Variants in CUL9 observed in about 807,000 individuals in gnomAD.
CUL9 encodes cullin-9.
A neutral mutation model predicts 272.6 loss-of-function variants in CUL9; 79 were observed. The ratio of observed to expected loss-of-function variants is 0.29; its 90% CI spans 0.24 to 0.35. CUL9 has a LOEUF of 0.35. Ranked by LOEUF, CUL9 falls within the 10% of genes least tolerant of loss-of-function variation. The probability of loss-of-function intolerance (pLI) is 1.00; values close to 1 mark genes in which losing one functional copy is unlikely to be tolerated. For missense variants in CUL9, 2,532 were observed against 3,255.6 expected (o/e 0.78, Z 5.41); for synonymous variants, 1,186 against 1,286.5 (o/e 0.92, Z 1.67).
At chr6:43,195,930 A>C in intron 9 of CUL9, 139 bp from the exon 10 acceptor site, 2 of 613,340 alleles carry the variant, frequency 3.3e-6, no homozygotes, top group South Asian at 2.3e-5. Flanking sequence ...TCCCATCACT[A>C]CCTCTTCCAT....
At chr6:43,191,251 A>AG (rs1773434620) in intron 8 of CUL9, among the ~76,000 whole-genome samples, 5 of 80,194 alleles carry the variant, frequency 6.2e-5, no homozygotes, top group Admixed American at 1.2e-4. Flanking sequence ...TCTAAATTGC[A>AG]TTGTGTGTGT....
Position 43,184,337 on chromosome 6 carries a change from C to T in CUL9, c.27C>T (p.Asp9=). The change falls in exon 2 of 41, where the codon GAC becomes GAT. Residue 9 remains aspartate, a synonymous_variant. Coordinates refer to ENST00000252050, the MANE Select transcript of CUL9 (RefSeq NM_015089.4). The surrounding 1 kb of genome is among the most constrained non-coding windows in gnomAD (Gnocchi z 4.8). The part of the protein sequence containing the change: MVGERHAG[D]LMVPLGPRLQ... ...TGGTGGGGGAACGGCATGCTGGGGACCTCATGGTGCCCTTAGGGCCTCGGC... is the reference window on the plus strand; with the variant it reads ...TGGTGGGGGAACGGCATGCTGGGGATCTCATGGTGCCCTTAGGGCCTCGGC... The T allele has an allele frequency of 6.5e-7, 1 of 1,550,248 alleles. No homozygotes were observed. The highest frequency in any genetic ancestry group is 1.4e-5 in the African/African-American group (1 of 73,462).
intron 30 of CUL9, among the ~76,000 whole-genome samples, chr6:43,215,829 A>G (rs1775891657): frequency 6.6e-6 from 1 of 152,326 alleles, no homozygotes; most frequent in African/African-American, 2.4e-5. Context: ...AGCAGTAAGG[A>G]TGGAGACTCC....
At chr6:43,194,411 C>T (rs1274778379) in intron 9 of CUL9, among the ~76,000 whole-genome samples, 1 of 151,862 alleles carries the variant, frequency 6.6e-6, no homozygotes, top group Non-Finnish European at 1.5e-5. Flanking sequence ...CTCTGCCTCC[C>T]GAGTTCAAGC....
chr6:43,201,715 G>A (rs78316400), intron 16 of CUL9, among the ~76,000 whole-genome samples: 3 of 152,184 alleles, frequency 2.0e-5, no homozygotes, highest in Admixed American at 6.5e-5. Flanking sequence ...TCCTGACCTC[G>A]TGATCCGCCC....
At chr6:43,202,125 T>G (rs1330164851) in intron 16 of CUL9, among the ~76,000 whole-genome samples, 1 of 152,108 alleles carries the variant, frequency 6.6e-6, no homozygotes, top group Non-Finnish European at 1.5e-5. Flanking sequence ...AGGGAAGCCA[T>G]GAGAAGGTGA....
rs538695391 is a variant in CUL9 at position 43,183,012 on chromosome 6, C to A, written c.-10+763C>A. The stretch of plus-strand genomic sequence containing the variant: ...GCTAGATGCTGTTCCAAGTGCTTTA[C>A]ATACATGATCCTACTAAATTCATGA... On this transcript the variant is annotated intron_variant, in intron 1 of 40. Transcript: ENST00000252050. Among the ~76,000 whole-genome samples, 7 of 152,304 alleles carry A rather than the reference C, an allele frequency of 4.6e-5. No individual in the cohort carries two copies. The East Asian group carries it at 1.3e-3, about 29-fold the overall frequency.
rs1776630957 is a variant in CUL9 at position 43,224,303 on chromosome 6, A to G, written c.7412A>G (p.Asp2471Gly). The G allele has an allele frequency of 6.2e-7, 1 of 1,614,200 alleles. No individual in the cohort carries two copies. The highest frequency in any genetic ancestry group is 2.2e-5 in the East Asian group (1 of 44,886). ...EAEEEEEDDE[D>G]DVPEWQQDEF... ...GAAGAGGAGGAGGAAGACGATGAGG[A>G]TGATGTGCCCGAGTGGCAGCAGGAT... Residue 2471 changes from aspartate to glycine, a missense_variant, in exon 41 of 41, where the codon GAT becomes GGT. Asp to Gly is a moderately conservative substitution (Grantham distance 94). Around this residue, in one of 3 missense-constraint regions of CUL9, gnomAD observed 237 missense variants for 305.9 expected, o/e 0.77. Coordinates refer to ENST00000252050, the MANE Select transcript of CUL9 (RefSeq NM_015089.4). This position sits in a 1 kb window ranked among gnomAD's most constrained non-coding sequence, Gnocchi z 4.2.
intron 9 of CUL9, 65 bp downstream of exon 9, chr6:43,193,273 C>T (rs1315336766): frequency 2.8e-6 from 4 of 1,445,334 alleles, no homozygotes; most frequent in Non-Finnish European, 3.9e-6. Context: ...GACTACTGAT[C>T]TTGAGGGGGT....
At position 43,204,959 on chromosome 6, in the gene CUL9, G is replaced by C. The variant is rs1371926399; in HGVS notation, c.4476G>C (p.Trp1492Cys). 3.7e-6 allele frequency: 6 copies of C among 1,608,952 alleles called. No individual in the cohort carries two copies. Among genetic ancestry groups the C allele is most frequent in the African/African-American group, 1.3e-5 (1 of 74,770 alleles). ...TCAGCAGATTCCTGGCTGCAGCTTG[G>C]AGGGCCCCAGACTTTGTGCCTCGTT... ...EQVSRFLAAAWRAPDFVPRYC... is the reference protein window; with the variant it reads ...EQVSRFLAAACRAPDFVPRYC... The change falls in exon 23 of 41, where the codon TGG (tryptophan) becomes TGC (cysteine). Residue 1492 changes from tryptophan to cysteine, a missense_variant. Around this residue, in one of 3 missense-constraint regions of CUL9, gnomAD observed 2,218 missense variants for 2,788.6 expected, o/e 0.80. Coordinates refer to ENST00000252050, the MANE Select transcript of CUL9 (RefSeq NM_015089.4).
At position 43,224,057 on chromosome 6, in the gene CUL9, C is replaced by G; in HGVS notation, c.7285-38C>G. The G allele has an allele frequency of 1.9e-6, 3 of 1,605,984 alleles. No individual in the cohort carries two copies. In the South Asian group the frequency reaches 3.3e-5, roughly 18 times the overall value. On this transcript the variant is annotated intron_variant, in intron 39 of 40. Coordinates refer to ENST00000252050, the MANE Select transcript of CUL9 (RefSeq NM_015089.4). This position sits in a 1 kb window ranked among gnomAD's most constrained non-coding sequence, Gnocchi z 4.2. The stretch of plus-strand genomic sequence containing the variant: ...ATGCTGGGTCCAAAGGCCCCATGCC[C>G]TCTACCTCCTTCTCAAATCCTTCTG...
chr6:43,202,692 A>T, intron 16 of CUL9, 24 bp from the exon 17 acceptor site: 1 of 1,606,804 alleles, frequency 6.2e-7, no homozygotes, highest in Non-Finnish European at 8.5e-7. Context: ...CCCAGCTTTG[A>T]CTGTTTCCTT....
Position 43,185,938 on chromosome 6 carries a change from A to G in CUL9, c.751-17A>G. The G allele has an allele frequency of 6.3e-7, 1 of 1,583,758 alleles. No homozygotes were observed. The highest frequency in any genetic ancestry group is 8.6e-7 in the Non-Finnish European group (1 of 1,163,470). On this transcript the variant is annotated splice_polypyrimidine_tract_variant and intron_variant, in intron 3 of 40. Coordinates refer to ENST00000252050, the MANE Select transcript of CUL9 (RefSeq NM_015089.4). Reference sequence around the variant, plus strand: ...GCCAGGAAGAGATGAACCTGTCCCAAGGATTGTGTCTTACAGATCCCAGGA... The same window carrying G: ...GCCAGGAAGAGATGAACCTGTCCCAGGGATTGTGTCTTACAGATCCCAGGA...
At chr6:43,219,753 C>T (rs917578362) in intron 31 of CUL9, among the ~76,000 whole-genome samples, 2 of 152,212 alleles carry the variant, frequency 1.3e-5, no homozygotes, top group East Asian at 1.9e-4. Flanking sequence ...AACGGCTGCT[C>T]GTGCATAGAC....
In CUL9 at chr6:43,221,259, G is replaced by T; in HGVS notation, c.6690G>T (p.Lys2230Asn). 1 of 1,611,714 alleles carries T rather than the reference G, an allele frequency of 6.2e-7. No homozygotes were observed. Residue 2230 changes from lysine to asparagine, a missense_variant, in exon 34 of 41, where the codon AAG (lysine) becomes AAT (asparagine). Coordinates refer to ENST00000252050, the MANE Select transcript of CUL9 (RefSeq NM_015089.4). This position sits in a 1 kb window ranked among gnomAD's most constrained non-coding sequence, Gnocchi z 4.2. ...SVEAQSKHLA[K>N]LISKRCPSCQ... ...AGGCGCAGAGCAAGCACCTGGCCAA[G>T]CTCATCTCCAAGCGCTGTCCCAGCT... is the stretch of plus-strand genomic sequence containing the variant.
rs772765032 is a variant in CUL9 at position 43,187,040 on chromosome 6, G to A, written c.1332G>A (p.Glu444=). The change falls in exon 5 of 41, where the codon GAG becomes GAA. Residue 444 remains glutamate (E), a synonymous_variant. Transcript: ENST00000252050. ...LEILGPEEAT[E]DKASAAVEKG... ...TCCTGGGCCCTGAGGAAGCCACTGAGGATAAGGCTTCAGCAGCTGTGGAGA... is the reference window on the plus strand; with the variant it reads ...TCCTGGGCCCTGAGGAAGCCACTGAAGATAAGGCTTCAGCAGCTGTGGAGA... The A allele has an allele frequency of 6.2e-7, 1 of 1,613,988 alleles. No individual in the cohort carries two copies. The highest frequency in any genetic ancestry group is 2.2e-5 in the East Asian group (1 of 44,894).
At chr6:43,191,747 G>A (rs768628280) in intron 8 of CUL9, among the ~76,000 whole-genome samples, 1 of 151,508 alleles carries the variant, frequency 6.6e-6, no homozygotes, top group Non-Finnish European at 1.5e-5. Context: ...ACCACGCCTG[G>A]CTAATTTTTG....
intron 9 of CUL9, among the ~76,000 whole-genome samples, chr6:43,195,508 C>G (rs951421913): frequency 6.6e-6 from 1 of 152,120 alleles, no homozygotes; most frequent in African/African-American, 2.4e-5. Context: ...TGTGAATGGA[C>G]CTGGTTGCCT....
chr6:43,203,132 C>A lies in CUL9; in HGVS notation c.3777C>A (p.Ser1259Arg). ...LNTVNVMPSA[S>R]RVILLENLNR... is the part of the protein sequence containing the mutation. The stretch of plus-strand genomic sequence containing the variant: ...AGGTGAATGTGATGCCCTCTGCCAG[C>A]CGGGTGATCCTCTTGGAGAACCTGA... The change falls in exon 18 of 41, where the codon AGC (serine) becomes AGA (arginine). Residue 1259 changes from serine (S) to arginine (R), a missense_variant. Physicochemically the swap from Ser to Arg is moderately radical, Grantham distance 110. This residue lies in a region of CUL9 where 2,218 missense variants were observed against 2,788.6 expected (regional missense o/e 0.80). Transcript: ENST00000252050. This position sits in a 1 kb window ranked among gnomAD's most constrained non-coding sequence, Gnocchi z 5.0. 6.2e-7 allele frequency: 1 copy of A among 1,613,626 alleles called. No individual in the cohort carries two copies.
Sources: allele counts gnomAD v4.1 joint callset (sites outside exome capture counted in the v4.1 genomes callset), GRCh38; gene constraint gnomAD v4.1.1; regional missense constraint gnomAD v4.1.1; non-coding constraint Gnocchi (gnomAD v3.1); transcripts MANE v1.5; gene names NCBI Gene and HGNC (gene_info 2026-07-23, HGNC 2026-07-21).